The following STIM1 variants were observed in gnomAD, a reference collection of about 807,000 sequenced individuals.
STIM1 encodes stromal interaction molecule 1.
A neutral mutation model predicts 74.7 loss-of-function variants in STIM1; 25 were observed. The ratio of observed to expected loss-of-function variants is 0.33; its 90% CI spans 0.24 to 0.47. The LOEUF (loss-of-function observed/expected upper bound fraction) is 0.47, where lower values mean the gene tolerates loss of function less well. Ranked by LOEUF, STIM1 falls within the 20% of genes least tolerant of loss-of-function variation. STIM1 has a pLI of 1.00. For missense variants in STIM1, 728 were observed against 920.8 expected (o/e 0.79, Z 2.71); for synonymous variants, 328 against 348.8 (o/e 0.94, Z 0.66).
intron 3 of STIM1, among the ~76,000 whole-genome samples, chr11:4,028,490 C>T (rs1237749834): frequency 6.7e-6 from 1 of 149,680 alleles, no homozygotes; most frequent in South Asian, 2.1e-4. Context: ...CTCACTGCAA[C>T]CTCTGCCTTC....
intron 1 of STIM1, among the ~76,000 whole-genome samples, chr11:3,872,586 A>G (rs945738105): frequency 5.4e-5 from 8 of 146,836 alleles, no homozygotes; most frequent in African/African-American, 1.0e-4. Context: ...CAGTGGCGCA[A>G]TCTCGGCTCA....
intron 1 of STIM1, among the ~76,000 whole-genome samples, chr11:3,901,915 G>A (rs190465927): frequency 4.2e-4 from 64 of 152,226 alleles, no homozygotes; most frequent in African/African-American, 1.4e-3. Flanking sequence ...CTACAGGCAC[G>A]TGCCACGATG....
chr11:3,999,989 A>G (rs1296256903), intron 2 of STIM1, among the ~76,000 whole-genome samples: 2 of 151,990 alleles, frequency 1.3e-5, no homozygotes, highest in Non-Finnish European at 2.9e-5. Flanking sequence ...TTGCTAGCAC[A>G]GCAGTCTGAG....
Position 4,082,169 on chromosome 11 carries a change from C to T in STIM1, c.970-15C>T. ...TAGTAGCAGTAAATGAACTCACATCCTTTTGGCTGCCTAGGTTCGGGAGGC... is the reference window on the plus strand; with the variant it reads ...TAGTAGCAGTAAATGAACTCACATCTTTTTGGCTGCCTAGGTTCGGGAGGC... On this transcript the variant is annotated splice_polypyrimidine_tract_variant and intron_variant, in intron 7 of 12. Transcript: ENST00000526596. The T allele has an allele frequency of 6.2e-7, 1 of 1,614,036 alleles. No individual in the cohort carries two copies. Among genetic ancestry groups the T allele is most frequent in the Non-Finnish European group, 8.5e-7 (1 of 1,180,022 alleles).
chr11:3,883,668 T>G (rs1433938206), intron 1 of STIM1, among the ~76,000 whole-genome samples: 1 of 152,264 alleles, frequency 6.6e-6, no homozygotes, highest in Non-Finnish European at 1.5e-5. Flanking sequence ...GACAATTTTT[T>G]ATTGTCTGCT....
intron 2 of STIM1, chr11:3,972,929 A>C: frequency 2.0e-6 from 1 of 507,744 alleles, no homozygotes; most frequent in Non-Finnish European, 3.9e-6. Context: ...CCAAAATTTG[A>C]GGACTGATTG....
intron 2 of STIM1, among the ~76,000 whole-genome samples, chr11:3,985,546 C>T (rs1417172316): frequency 1.3e-5 from 2 of 152,138 alleles, no homozygotes; most frequent in African/African-American, 4.8e-5. Context: ...AGGTATAGGA[C>T]ACAGGACCTG....
chr11:3,886,687 C>T (rs1262936372), intron 1 of STIM1, among the ~76,000 whole-genome samples: 1 of 87,916 alleles, frequency 1.1e-5, no homozygotes, highest in Non-Finnish European at 2.1e-5. Flanking sequence ...GACTCTGTGT[C>T]AAAAAAAAAA....
chr11:3,895,714 CT>C (rs1565105167), intron 1 of STIM1, among the ~76,000 whole-genome samples: 3 of 31,290 alleles, frequency 9.6e-5, no homozygotes, highest in African/African-American at 4.3e-4. Context: ...TTCTTTCTTT[CT>C]TTCTTTCTTT....
chr11:3,973,117 C>T (rs2093412365), intron 2 of STIM1: 3 of 418,170 alleles, frequency 7.2e-6, no homozygotes, highest in Admixed American at 2.8e-5. Flanking sequence ...CTTCCTTCAG[C>T]GTAACCAGGG....
At chr11:4,005,245 AG>A (rs2093765983) in intron 2 of STIM1, among the ~76,000 whole-genome samples, 1 of 152,222 alleles carries the variant, frequency 6.6e-6, no homozygotes, top group South Asian at 2.1e-4. Flanking sequence ...ATACACCCAA[AG>A]GACTATAAAT....
At chr11:3,879,847 C>T (rs2091435256) in intron 1 of STIM1, among the ~76,000 whole-genome samples, 1 of 152,064 alleles carries the variant, frequency 6.6e-6, no homozygotes, top group Non-Finnish European at 1.5e-5. Flanking sequence ...TGGTTGGTGA[C>T]CCAGTGAATG....
At chr11:3,912,354 G>T (rs930844302) in intron 1 of STIM1, among the ~76,000 whole-genome samples, 28 of 149,456 alleles carry the variant, frequency 1.9e-4, no homozygotes, top group African/African-American at 6.4e-4. Context: ...CTTCAGTATA[G>T]CTGGGTTTGG....
At position 3,913,846 on chromosome 11, in the gene STIM1, T is replaced by A. The variant is rs577230443; in HGVS notation, c.140-53706T>A. The stretch of plus-strand genomic sequence containing the variant: ...AATAGGATTTACCTATTTTGGATAT[T>A]TCATATCAATGAAATCATATAATAT... On this transcript the variant is annotated intron_variant, in intron 1 of 12. Transcript: ENST00000526596. Among the ~76,000 whole-genome samples, 4 of 152,324 alleles carry A rather than the reference T, an allele frequency of 2.6e-5. No homozygotes were observed. In the East Asian group the frequency reaches 7.7e-4, roughly 29 times the overall value.
At chr11:3,981,578 G>A (rs1271397105) in intron 2 of STIM1, among the ~76,000 whole-genome samples, 1 of 152,182 alleles carries the variant, frequency 6.6e-6, no homozygotes, top group Non-Finnish European at 1.5e-5. Context: ...CTGGTCAATG[G>A]TACTGGGGAC....
At chr11:3,883,193 T>C (rs1393674621) in intron 1 of STIM1, among the ~76,000 whole-genome samples, 2 of 152,204 alleles carry the variant, frequency 1.3e-5, no homozygotes, top group Non-Finnish European at 2.9e-5. Flanking sequence ...GTCTAGAATA[T>C]CCTTCTTTTC....
At chr11:3,967,759 T>C in intron 2 of STIM1, 77 bp downstream of exon 2, 1 of 1,595,820 alleles carries the variant, frequency 6.3e-7, no homozygotes, top group Non-Finnish European at 8.6e-7. Flanking sequence ...AGACAGCCTC[T>C]TCCCTGGGGA....
chr11:4,003,939 A>C (rs2093749445), intron 2 of STIM1, among the ~76,000 whole-genome samples: 1 of 152,220 alleles, frequency 6.6e-6, no homozygotes, highest in Non-Finnish European at 1.5e-5. Context: ...ATTCTTATAC[A>C]CCAATAACAG....
At chr11:4,028,282 A>C (rs925820474) in intron 3 of STIM1, among the ~76,000 whole-genome samples, 2 of 151,846 alleles carry the variant, frequency 1.3e-5, no homozygotes, top group Admixed American at 1.3e-4. Context: ...GGGTTTTACC[A>C]TGTTGGCTAG....
Sources: gnomAD v4.1 joint callset for allele counts (sites outside exome capture counted in the v4.1 genomes callset) on GRCh38, gnomAD v4.1.1 for gene constraint, MANE v1.5 for transcripts, NCBI Gene and HGNC (gene_info 2026-07-23, HGNC 2026-07-21) for gene names.